The following SLC44A5 variants were observed in gnomAD, a reference collection of about 807,000 sequenced individuals.
The protein encoded by SLC44A5 is choline transporter-like protein 5.
A neutral mutation model predicts 101.8 loss-of-function variants in SLC44A5; 57 were observed. That is an observed-to-expected ratio of 0.56 (90% CI 0.45 to 0.70). The LOEUF (loss-of-function observed/expected upper bound fraction) is 0.70. Ranked by LOEUF, SLC44A5 falls within the 30% of genes least tolerant of loss-of-function variation. SLC44A5 has a pLI of 0.00. For missense variants in SLC44A5, 737 were observed against 853.1 expected, an observed-to-expected ratio of 0.86 and a Z score of 1.70; for synonymous variants, 281 against 290.9, an observed-to-expected ratio of 0.97 and a Z score of 0.35.
the SLC44A5 span, among the ~76,000 whole-genome samples, chr1:75,647,585 G>C: frequency 6.6e-6 from 1 of 152,140 alleles, no homozygotes; most frequent in East Asian, 1.9e-4. Context: ...AGCCAAGAAG[G>C]GGGCTGTACC....
At chr1:75,345,808 C>T (rs527975349) in intron 3 of SLC44A5, among the ~76,000 whole-genome samples, 1 of 152,208 alleles carries the variant, frequency 6.6e-6, no homozygotes, top group Non-Finnish European at 1.5e-5. Context: ...CCCCCAAAGT[C>T]TTCTAAATAA....
chr1:75,398,682 CT>C (rs1018301895), intron 2 of SLC44A5, among the ~76,000 whole-genome samples: 3 of 152,240 alleles, frequency 2.0e-5, no homozygotes, highest in African/African-American at 7.2e-5. Flanking sequence ...TTTGACTCCT[CT>C]TTCTCAATTT....
chr1:75,407,473 A>G (rs10874261), intron 2 of SLC44A5, among the ~76,000 whole-genome samples: 29,670 of 152,122 alleles, frequency 0.2, 4,155 homozygotes, highest in East Asian at 0.81. Flanking sequence ...CTACAAGGCT[A>G]CAGTAACCAA....
intron 2 of SLC44A5, among the ~76,000 whole-genome samples, chr1:75,517,836 C>G (rs1414650017): frequency 6.6e-6 from 1 of 152,202 alleles, no homozygotes; most frequent in African/African-American, 2.4e-5. Context: ...GACAATCTCT[C>G]CAGGCTCTTC....
chr1:75,264,502 A>G (rs1445576980), intron 6 of SLC44A5, among the ~76,000 whole-genome samples: 1 of 152,264 alleles, frequency 6.6e-6, no homozygotes, highest in African/African-American at 2.4e-5. Context: ...GAGCTTGGGA[A>G]ACTATAAATA....
chr1:75,705,260 T>C, the SLC44A5 span, among the ~76,000 whole-genome samples: 1 of 152,210 alleles, frequency 6.6e-6, no homozygotes, highest in Admixed American at 6.5e-5. Flanking sequence ...AACACCTTTT[T>C]CTTATACTCC....
rs1210398424 is a variant in SLC44A5 at position 75,339,763 on chromosome 1, GA to G, written c.53-134del. ...TGATGAATTCATACTTTGGTTTGAT[GA>G]AACATAAGTATGTCTTGGTTACAGT... On this transcript the variant is annotated intron_variant, in intron 3 of 23. Transcript: ENST00000370859. 9.1e-6 allele frequency: 6 copies of G among 656,264 alleles called. No individual in the cohort carries two copies. In the African/African-American group the frequency reaches 1.1e-4, roughly 12 times the overall value. 40.7% of individuals were successfully genotyped at this position (656,264 alleles called of 1,614,324 possible).
chr1:75,365,975 T>C (rs1425563577), intron 3 of SLC44A5, among the ~76,000 whole-genome samples: 2 of 152,228 alleles, frequency 1.3e-5, no homozygotes, highest in African/African-American at 4.8e-5. Flanking sequence ...TGAATGAATA[T>C]ACAATATAAA....
At chr1:75,604,037 T>G (rs1318640530) in intron 1 of SLC44A5, among the ~76,000 whole-genome samples, 4 of 152,108 alleles carry the variant, frequency 2.6e-5, no homozygotes, top group African/African-American at 9.7e-5. Context: ...CACTTGCAAT[T>G]TTTGCTTTTG....
chr1:75,279,866 A>G (rs934318750), intron 5 of SLC44A5, among the ~76,000 whole-genome samples: 1 of 151,914 alleles, frequency 6.6e-6, no homozygotes, highest in African/African-American at 2.4e-5. Context: ...AGCAGTGTAC[A>G]TTCTACCCAA....
the SLC44A5 span, among the ~76,000 whole-genome samples, chr1:75,661,101 TA>T: frequency 4.6e-5 from 7 of 151,970 alleles, no homozygotes; most frequent in Non-Finnish European, 1.0e-4. Context: ...TACAAAAGCG[TA>T]GTAACCAAAA....
intron 2 of SLC44A5, among the ~76,000 whole-genome samples, chr1:75,411,426 C>T (rs951520313): frequency 6.6e-6 from 1 of 152,034 alleles, no homozygotes; most frequent in African/African-American, 2.4e-5. Flanking sequence ...ACGTTTCCCC[C>T]TCTAAAGGTC....
intron 3 of SLC44A5, among the ~76,000 whole-genome samples, chr1:75,341,343 G>C (rs1048576439): frequency 6.6e-6 from 1 of 152,100 alleles, no homozygotes; most frequent in Non-Finnish European, 1.5e-5. Flanking sequence ...TTAGCTGGGC[G>C]TGATGGTGCA....
At chr1:75,228,884 G>A (rs1469224216) in intron 12 of SLC44A5, among the ~76,000 whole-genome samples, 4 of 151,528 alleles carry the variant, frequency 2.6e-5, no homozygotes, top group Admixed American at 2.0e-4. Flanking sequence ...TAGTTAGCAT[G>A]TAGGTAAAGC....
At chr1:75,230,068 A>G (rs1200081606) in intron 12 of SLC44A5, among the ~76,000 whole-genome samples, 1 of 152,140 alleles carries the variant, frequency 6.6e-6, no homozygotes, top group African/African-American at 2.4e-5. Flanking sequence ...TCAGATTCAT[A>G]TTTCAGTTCA....
At chr1:75,219,380 G>C (rs756403571) in intron 15 of SLC44A5, 36 bp from the exon 16 acceptor site, 2 of 1,414,362 alleles carry the variant, frequency 1.4e-6, no homozygotes, top group South Asian at 2.3e-5. Context: ...CCATTTGCTG[G>C]TAGATTGAAA....
At chr1:75,598,559 T>C (rs1674787598) in intron 1 of SLC44A5, among the ~76,000 whole-genome samples, 2 of 152,028 alleles carry the variant, frequency 1.3e-5, no homozygotes. Flanking sequence ...ATAAAGAAAA[T>C]GTGGTACATA....
At chr1:75,402,468 G>A (rs1337256876) in intron 2 of SLC44A5, 2 of 393,184 alleles carry the variant, frequency 5.1e-6, no homozygotes, top group South Asian at 3.7e-5. Context: ...GGTGATTTCT[G>A]CATTTTGAAC....
At chr1:75,500,905 C>T (rs759994784) in intron 2 of SLC44A5, among the ~76,000 whole-genome samples, 12 of 152,124 alleles carry the variant, frequency 7.9e-5, no homozygotes, top group African/African-American at 4.8e-5. Context: ...TTGAACAAAT[C>T]GATGTATCAT....
Sources: gnomAD v4.1 joint callset for allele counts (sites outside exome capture counted in the v4.1 genomes callset) on GRCh38, gnomAD v4.1.1 for gene constraint, MANE v1.5 for transcripts, NCBI Gene and HGNC (gene_info 2026-07-23, HGNC 2026-07-21) for gene names.